The following TNR variants were observed in gnomAD, a reference collection of about 807,000 sequenced individuals.
TNR encodes the protein tenascin-R.
In TNR, 45 loss-of-function variants were observed where a neutral mutation model predicts 150.4. The observed-to-expected ratio is 0.30, with a 90% CI of 0.24 to 0.38. TNR has a LOEUF of 0.38. Among genes scored for constraint, TNR ranks in the 10% least tolerant of loss-of-function variants. The pLI, the probability that TNR is intolerant of heterozygous loss-of-function variation, is 1.00. For missense variants in TNR, 1,544 were observed against 1,759.1 expected, an observed-to-expected ratio of 0.88 and a Z score of 2.19; for synonymous variants, 687 against 678.4, an observed-to-expected ratio of 1.01 and a Z score of -0.20.
At chr1:175,537,279 G>A (rs760173412) in intron 1 of TNR, among the ~76,000 whole-genome samples, 2 of 152,298 alleles carry the variant, frequency 1.3e-5, no homozygotes, top group Middle Eastern at 3.4e-3. Flanking sequence ...GAAAGAGAAA[G>A]CTTCAGAATG....
intron 1 of TNR, among the ~76,000 whole-genome samples, chr1:175,537,047 G>A (rs959591215): frequency 1.7e-4 from 26 of 152,132 alleles, no homozygotes; most frequent in African/African-American, 5.3e-4. Flanking sequence ...CAGGAAGTTC[G>A]GGTGGCCAAA....
intron 18 of TNR, among the ~76,000 whole-genome samples, chr1:175,345,253 C>T (rs1427372609): frequency 2.0e-5 from 3 of 152,146 alleles, no homozygotes; most frequent in Admixed American, 6.5e-5. Context: ...TAATCACTGC[C>T]AATCCTTCAC....
rs370265971 is a variant in TNR at position 175,396,812 on chromosome 1, C to A, written c.977-5G>T. ...GCAAGTCCTCTGGAGGGGCAACTAC[C>A]GGGAGGCAATACACAGATAGCATGA... On this transcript the variant is annotated splice_polypyrimidine_tract_variant and splice_region_variant and intron_variant, in intron 4 of 22. Transcript: ENST00000367674. 12 of 1,611,028 alleles carry A rather than the reference C, an allele frequency of 7.4e-6. No homozygotes were observed. Among genetic ancestry groups the A allele is most frequent in the Non-Finnish European group, 9.3e-6 (11 of 1,177,766 alleles).
At chr1:175,570,545 T>C (rs1661824261) in intron 1 of TNR, among the ~76,000 whole-genome samples, 1 of 152,182 alleles carries the variant, frequency 6.6e-6, no homozygotes, top group African/African-American at 2.4e-5. Context: ...AAGATTGATA[T>C]GTAAAGATTC....
At position 175,356,494 on chromosome 1, in the gene TNR, A is replaced by G. The variant is rs1651337508; in HGVS notation, c.2975-32T>C. 5 of 1,612,498 alleles carry G rather than the reference A, an allele frequency of 3.1e-6. No homozygotes were observed. The Admixed American group carries it at 6.7e-5, about 22-fold the overall frequency. On this transcript the variant is annotated intron_variant, in intron 15 of 22. Transcript: ENST00000367674. ...TCAAATGAATATGAATAAGGGTTGAATAAGGCTACTCAGTTTAGGAAAGAT... is the reference window on the plus strand; with the variant it reads ...TCAAATGAATATGAATAAGGGTTGAGTAAGGCTACTCAGTTTAGGAAAGAT...
chr1:175,708,509 A>C (rs191895429), intron 1 of TNR, among the ~76,000 whole-genome samples: 13 of 152,084 alleles, frequency 8.5e-5, no homozygotes, highest in Non-Finnish European at 1.3e-4. Context: ...TTTTCCACAC[A>C]CTTTTGGGTT....
At chr1:175,721,997 G>A (rs977169833) in intron 1 of TNR, among the ~76,000 whole-genome samples, 8 of 152,226 alleles carry the variant, frequency 5.3e-5, no homozygotes, top group African/African-American at 1.7e-4. Context: ...GCTTTCAGAT[G>A]TAGGGACACT....
At chr1:175,680,275 T>A (rs1054520316) in intron 1 of TNR, among the ~76,000 whole-genome samples, 1 of 152,144 alleles carries the variant, frequency 6.6e-6, no homozygotes, top group Non-Finnish European at 1.5e-5. Flanking sequence ...ATGGTTCCCA[T>A]CTGCAGCTGA....
intron 2 of TNR, among the ~76,000 whole-genome samples, chr1:175,458,783 C>T (rs2102102258): frequency 6.6e-6 from 1 of 152,270 alleles, no homozygotes; most frequent in East Asian, 1.9e-4. Flanking sequence ...AAGAGGTGTC[C>T]TATTCCTTAA....
At chr1:175,623,065 C>A (rs559888719) in intron 1 of TNR, among the ~76,000 whole-genome samples, 1 of 152,156 alleles carries the variant, frequency 6.6e-6, no homozygotes, top group South Asian at 2.1e-4. Context: ...AAGATTTCAA[C>A]GTACATTTTT....
At position 175,737,921 on chromosome 1, in the gene TNR, C is replaced by T. The variant is rs759737035; in HGVS notation, c.-165+5305G>A. On this transcript the variant is annotated intron_variant, in intron 1 of 22. Coordinates refer to ENST00000367674, the MANE Select transcript of TNR (RefSeq NM_003285.3). ...CACCTTGTAATACATAACCCAGAGA[C>T]GTGCTCCCCAAGGGTGAGGGCTGCA... is the stretch of plus-strand genomic sequence containing the variant. Among the ~76,000 whole-genome samples, 8 of 152,154 alleles carry T rather than the reference C, an allele frequency of 5.3e-5. No homozygotes were observed. The South Asian group carries it at 6.2e-4, about 12-fold the overall frequency.
chr1:175,634,100 G>C (rs1195518162), intron 1 of TNR, among the ~76,000 whole-genome samples: 2 of 152,098 alleles, frequency 1.3e-5, no homozygotes, highest in African/African-American at 4.8e-5. Context: ...ACAATGAATG[G>C]CCCCTGGGAC....
chr1:175,424,018 G>A (rs372287864), intron 2 of TNR, among the ~76,000 whole-genome samples: 8 of 152,262 alleles, frequency 5.3e-5, no homozygotes, highest in African/African-American at 1.9e-4. Context: ...GTTTTTTTCT[G>A]ATTAGAAAAT....
At position 175,599,265 on chromosome 1, in the gene TNR, G is replaced by A. The variant is rs1322509443; in HGVS notation, c.-164-70896C>T. Among the ~76,000 whole-genome samples, 1 of 152,186 alleles carries A rather than the reference G, an allele frequency of 6.6e-6. No individual in the cohort carries two copies. Among genetic ancestry groups the A allele is most frequent in the Admixed American group, 6.5e-5 (1 of 15,278 alleles). ...TCGGGTCACCGCTCCTCCCTTTCAG[G>A]CGCCCGGGTTTGCCCACCGCGAAGA... On this transcript the variant is annotated intron_variant, in intron 1 of 22. Coordinates refer to ENST00000367674, the MANE Select transcript of TNR (RefSeq NM_003285.3). This position sits in a 1 kb window ranked among gnomAD's most constrained non-coding sequence, Gnocchi z 4.7.
chr1:175,418,213 G>A (rs747753462), intron 2 of TNR, among the ~76,000 whole-genome samples: 2 of 152,028 alleles, frequency 1.3e-5, no homozygotes, highest in Admixed American at 6.5e-5. Context: ...AGTCTCAGGC[G>A]ACCCCCTGTG....
At position 175,366,532 on chromosome 1, in the gene TNR, C is replaced by T. The variant is rs578166748; in HGVS notation, c.2054-394G>A. Among the ~76,000 whole-genome samples the T allele has an allele frequency of 3.3e-5, 5 of 152,336 alleles. No homozygotes were observed. The South Asian group carries it at 1.0e-3, about 32-fold the overall frequency. ...CAACAGAAGCGCACCACCCTCCAAC[C>T]CTGAGGCTATTTTGACTTGTTCTAA... On this transcript the variant is annotated intron_variant, in intron 10 of 22. Transcript: ENST00000367674.
intron 1 of TNR, among the ~76,000 whole-genome samples, chr1:175,612,760 C>A (rs1663636632): frequency 6.6e-6 from 1 of 152,196 alleles, no homozygotes; most frequent in South Asian, 2.1e-4. Flanking sequence ...AGAAGAAAAT[C>A]ATACTGTGGG....
At chr1:175,551,562 C>T (rs183547396) in intron 1 of TNR, among the ~76,000 whole-genome samples, 17 of 152,246 alleles carry the variant, frequency 1.1e-4, no homozygotes, top group South Asian at 8.3e-4. Context: ...GTCAACAGGT[C>T]GGGAACATCT....
chr1:175,405,590 C>T lies in TNR; in HGVS notation c.499+626G>A, dbSNP rs562828572. 6.1e-5 allele frequency among the ~76,000 whole-genome samples: 9 copies of T among 147,472 alleles called. No homozygotes were observed. In the East Asian group the frequency reaches 1.0e-3, roughly 17 times the overall value. The stretch of plus-strand genomic sequence containing the variant: ...GTGTGAGAGCATGCGTGTGTGCATG[C>T]GTGAGAGAGAGAGTATGTGTGTGTG... On this transcript the variant is annotated intron_variant, in intron 3 of 22. Coordinates refer to ENST00000367674, the MANE Select transcript of TNR (RefSeq NM_003285.3).
Sources: allele counts gnomAD v4.1 joint callset (sites outside exome capture counted in the v4.1 genomes callset), GRCh38; gene constraint gnomAD v4.1.1; non-coding constraint Gnocchi (gnomAD v3.1); transcripts MANE v1.5; gene names NCBI Gene and HGNC (gene_info 2026-07-23, HGNC 2026-07-21).